DNAH5: variants seen among roughly 807,000 people sequenced by gnomAD.
DNAH5 encodes dynein axonemal heavy chain 5.
In DNAH5, 372 loss-of-function variants were observed where a neutral mutation model predicts 518.2. The ratio of observed to expected loss-of-function variants is 0.72; its 90% CI spans 0.66 to 0.78. The LOEUF is 0.78. DNAH5 is among the 30% of genes least tolerant of loss of function. DNAH5 has a pLI of 0.00. For missense variants in DNAH5, 5,523 were observed against 5,687.0 expected (o/e 0.97, Z 0.93); for synonymous variants, 2,039 against 2,025.9 (o/e 1.01, Z -0.17).
chr5:13,724,741 C>A (rs557079767), intron 70 of DNAH5, among the ~76,000 whole-genome samples: 96 of 152,150 alleles, frequency 6.3e-4, no homozygotes, highest in Non-Finnish European at 1.3e-3. Flanking sequence ...CTTCCCAGAT[C>A]TGGTTGTTTA....
intron 40 of DNAH5, among the ~76,000 whole-genome samples, chr5:13,822,663 G>T (rs1762379326): frequency 6.6e-6 from 1 of 152,184 alleles, no homozygotes; most frequent in African/African-American, 2.4e-5. Context: ...CATAGAAAAA[G>T]AAATTGAGGC....
chr5:13,839,834 G>A (rs1764922173), intron 34 of DNAH5, among the ~76,000 whole-genome samples: 1 of 152,150 alleles, frequency 6.6e-6, no homozygotes, highest in Non-Finnish European at 1.5e-5. Flanking sequence ...CATGCCTAAT[G>A]CCATAGTCCT....
chr5:13,865,152 G>A (rs1284513743), intron 27 of DNAH5, among the ~76,000 whole-genome samples: 1 of 151,562 alleles, frequency 6.6e-6, no homozygotes, highest in Non-Finnish European at 1.5e-5. Flanking sequence ...GTGCCGCCAT[G>A]CCCAGCTAAT....
chr5:13,887,287 T>C (rs1174615101), intron 17 of DNAH5, among the ~76,000 whole-genome samples: 1 of 152,212 alleles, frequency 6.6e-6, no homozygotes, highest in Non-Finnish European at 1.5e-5. Flanking sequence ...CAAAGACTAA[T>C]ATAGTTCCAA....
chr5:13,801,315 G>T (rs1272166301), intron 47 of DNAH5, among the ~76,000 whole-genome samples: 1 of 152,204 alleles, frequency 6.6e-6, no homozygotes, highest in Non-Finnish European at 1.5e-5. Context: ...CGTGAGAAGT[G>T]TCTACTTCCC....
chr5:13,869,714 A>G (rs2151916704), intron 24 of DNAH5, among the ~76,000 whole-genome samples: 1 of 152,310 alleles, frequency 6.6e-6, no homozygotes, highest in Middle Eastern at 3.4e-3. Flanking sequence ...CTTGATTGAC[A>G]ATATTATGGT....
intron 1 of DNAH5, among the ~76,000 whole-genome samples, chr5:13,976,852 C>T (rs1017582425): frequency 1.3e-5 from 2 of 151,968 alleles, no homozygotes; most frequent in Admixed American, 6.6e-5. Context: ...AGACTTCATA[C>T]CAACTGATGA....
intron 55 of DNAH5, among the ~76,000 whole-genome samples, chr5:13,775,972 C>CAAAAAAAAAAA (rs369053509): frequency 9.4e-6 from 1 of 106,610 alleles, no homozygotes; most frequent in African/African-American, 3.2e-5. Flanking sequence ...CAAAAGCTTT[C>CAAAAAAAAAAA]AAAAAAAAAA....
Position 13,901,569 on chromosome 5 carries a change from T to A in DNAH5, c.1735A>T (p.Asn579Tyr). ...TCATCAATACCAAGATTAGGTATAT[T>A]CAATCTGATTTTTTTAAAAAGTTAA... ...LRMLKKFERL[N>Y]IPNLGIDDKY... Residue 579 changes from asparagine (N) to tyrosine (Y), a missense_variant, in exon 14 of 79, where the codon AAT (asparagine) becomes TAT (tyrosine). Physicochemically the swap from Asn to Tyr is moderately radical, Grantham distance 143. Coordinates refer to ENST00000265104, the MANE Select transcript of DNAH5 (RefSeq NM_001369.3). 1 of 1,605,030 alleles carries A rather than the reference T, an allele frequency of 6.2e-7. No individual in the cohort carries two copies. Among genetic ancestry groups the A allele is most frequent in the Non-Finnish European group, 8.5e-7 (1 of 1,174,742 alleles).
rs532974469 is a variant in DNAH5, at chr5:13,927,843, AC to A, written c.277+250del. ...ACAGCCTGAGAAGGAATATGAGACA[AC>A]TCCAATAAAGTTAGAACAACCAGGC... On this transcript the variant is annotated intron_variant, in intron 3 of 78. Coordinates refer to ENST00000265104, the MANE Select transcript of DNAH5 (RefSeq NM_001369.3). 7.6e-4 allele frequency among the ~76,000 whole-genome samples: 115 copies of A among 152,270 alleles called. 2 individuals carry two copies. Among genetic ancestry groups the A allele is most frequent in the African/African-American group, 2.5e-3 (103 of 41,568 alleles).
intron 1 of DNAH5, among the ~76,000 whole-genome samples, chr5:13,936,940 T>C (rs920739375): frequency 6.6e-6 from 1 of 152,096 alleles, no homozygotes; most frequent in African/African-American, 2.4e-5. Context: ...TCCTGAAGTG[T>C]ATATTTTGCA....
At chr5:13,725,808 C>G (rs534720630) in intron 70 of DNAH5, among the ~76,000 whole-genome samples, 3 of 152,320 alleles carry the variant, frequency 2.0e-5, no homozygotes, top group African/African-American at 7.2e-5. Flanking sequence ...GTGCCACCAC[C>G]ATGCCTGGCT....
chr5:13,701,195 G>A, intron 77 of DNAH5, 89 bp downstream of exon 77: 1 of 1,555,996 alleles, frequency 6.4e-7, no homozygotes, highest in East Asian at 2.2e-5. Context: ...GTCATTCTCT[G>A]TCTTATTATA....
At chr5:13,762,656 G>A (rs1751942076) in intron 60 of DNAH5, 66 bp downstream of exon 60, 1 of 1,451,614 alleles carries the variant, frequency 6.9e-7, no homozygotes, top group Non-Finnish European at 9.6e-7. Context: ...CTCCTGTAAA[G>A]ATAAGACGGG....
intron 15 of DNAH5, 23 bp downstream of exon 15, chr5:13,900,183 G>A (rs1164136827): frequency 6.3e-7 from 1 of 1,585,812 alleles, no homozygotes; most frequent in Non-Finnish European, 8.7e-7. Flanking sequence ...CAAGAATGGG[G>A]GGAAAAAATA....
chr5:13,990,187 G>T (rs931854945), intron 1 of DNAH5, among the ~76,000 whole-genome samples: 6 of 152,084 alleles, frequency 3.9e-5, no homozygotes, highest in Non-Finnish European at 7.4e-5. Context: ...AAAGAAGAGA[G>T]GGGGCAGGGA....
At chr5:13,765,053 A>G (rs536426046) in intron 59 of DNAH5, among the ~76,000 whole-genome samples, 1 of 152,242 alleles carries the variant, frequency 6.6e-6, no homozygotes, top group Non-Finnish European at 1.5e-5. Flanking sequence ...GAGGTCATTT[A>G]CAAGTATTGT....
chr5:13,849,714 A>C (rs556969048), intron 31 of DNAH5, among the ~76,000 whole-genome samples: 3 of 152,238 alleles, frequency 2.0e-5, no homozygotes, highest in African/African-American at 4.8e-5. Flanking sequence ...AGCCGTCTCA[A>C]ATTTTTTTTT....
intron 42 of DNAH5, among the ~76,000 whole-genome samples, chr5:13,815,628 A>T (rs1761355949): frequency 6.6e-6 from 1 of 152,148 alleles, no homozygotes; most frequent in Non-Finnish European, 1.5e-5. Context: ...AGTCTCTAGC[A>T]TCCCAAACTA....
Sources: gnomAD v4.1 joint callset for allele counts (sites outside exome capture counted in the v4.1 genomes callset) on GRCh38, gnomAD v4.1.1 for gene constraint, MANE v1.5 for transcripts, NCBI Gene and HGNC (gene_info 2026-07-23, HGNC 2026-07-21) for gene names.